The following NPHP1 variants were observed in gnomAD, a reference collection of about 807,000 sequenced individuals.
The protein encoded by NPHP1 is nephrocystin 1.
Under a neutral mutation model 90.4 loss-of-function variants are expected in NPHP1, and 70 were observed. The ratio of observed to expected loss-of-function variants is 0.77; its 90% confidence interval spans 0.64 to 0.95. The LOEUF (loss-of-function observed/expected upper bound fraction) is 0.95. Ranked by LOEUF, NPHP1 falls within the 40% of genes least tolerant of loss-of-function variation. The probability of loss-of-function intolerance (pLI) is 0.00; values close to 1 mark genes in which losing one functional copy is unlikely to be tolerated. For synonymous variants in NPHP1, 256 were observed against 271.7 expected (o/e 0.94, Z 0.57); for missense variants, 764 against 795.9 (o/e 0.96, Z 0.48).
At chr2:110,197,882 T>C (rs1050196403) in intron 2 of NPHP1, among the ~76,000 whole-genome samples, 1 of 152,170 alleles carries the variant, frequency 6.6e-6, no homozygotes, top group African/African-American at 2.4e-5. Context: ...TATTTTAATA[T>C]AATGTACCAA....
intron 6 of NPHP1, among the ~76,000 whole-genome samples, chr2:110,166,723 T>C (rs145371795): frequency 2.0e-5 from 3 of 152,282 alleles, no homozygotes; most frequent in African/African-American, 4.8e-5. Context: ...AGCTACTTTT[T>C]GGGGGGATCT....
At chr2:110,151,673 A>AAT (rs1033350104) in intron 11 of NPHP1, among the ~76,000 whole-genome samples, 2 of 152,068 alleles carry the variant, frequency 1.3e-5, no homozygotes, top group Non-Finnish European at 2.9e-5. Flanking sequence ...TTCGATTGCT[A>AAT]ATATATATAT....
intron 2 of NPHP1, among the ~76,000 whole-genome samples, chr2:110,195,768 A>G (rs1310065763): frequency 6.6e-6 from 1 of 152,208 alleles, no homozygotes; most frequent in African/African-American, 2.4e-5. Context: ...ACAAGGCTAC[A>G]GTAACCAAAA....
chr2:110,147,878 C>G, intron 13 of NPHP1, 38 bp downstream of exon 13: 1 of 1,185,458 alleles, frequency 8.4e-7, no homozygotes, highest in Non-Finnish European at 1.3e-6. Context: ...TCCCTTTTAA[C>G]TGATACATTA....
In NPHP1 at chr2:110,178,404, A is replaced by G; in HGVS notation, c.329+19T>C. ...TATATCTTTAAAAAAGAAAAAAGAA[A>G]GGTAGAAAGGAAGCATACTCAGTTA... On this transcript the variant is annotated intron_variant, in intron 4 of 19. Coordinates refer to ENST00000445609, the MANE Select transcript of NPHP1 (RefSeq NM_001128178.3). 6.2e-7 allele frequency: 1 copy of G among 1,612,704 alleles called. No homozygotes were observed.
chr2:110,183,021 G>C lies in NPHP1; in HGVS notation c.144-3337C>G, dbSNP rs1021172266. On this transcript the variant is annotated intron_variant, in intron 2 of 19. Transcript: ENST00000445609. ...TAGCTTCTGACAAAACAGACTTTAA[G>C]CCAATAAAGATAAAAAAAAGACAAA... Among the ~76,000 whole-genome samples, 6 of 151,898 alleles carry C rather than the reference G, an allele frequency of 4.0e-5. No individual in the cohort carries two copies. The East Asian group carries it at 7.7e-4, about 20-fold the overall frequency.
intron 2 of NPHP1, among the ~76,000 whole-genome samples, chr2:110,188,886 A>G (rs1401306943): frequency 2.6e-5 from 4 of 152,154 alleles, no homozygotes; most frequent in Admixed American, 6.5e-5. Context: ...GACAAAAACA[A>G]GCAATGCGGA....
At chr2:110,151,897 A>T (rs1221658272) in intron 11 of NPHP1, among the ~76,000 whole-genome samples, 6 of 152,100 alleles carry the variant, frequency 3.9e-5, no homozygotes, top group Non-Finnish European at 7.4e-5. Context: ...TATCTTTTCA[A>T]TTTGGAGAAT....
rs774386187 is a variant in NPHP1, at chr2:110,204,925, C to T, written c.44G>A (p.Arg15His). ...CTGTTGCTTCAGCTCCTGATTGCGG[C>T]GCCGCAGGGCCTGGAGAGGATCTCG... ...RQRDPLQALRRRNQELKQQVD... is the reference protein window; with the variant it reads ...RQRDPLQALRHRNQELKQQVD... The change falls in exon 1 of 20, where the codon CGC becomes CAC. Residue 15 changes from arginine to histidine, a missense_variant. Coordinates refer to ENST00000445609, the MANE Select transcript of NPHP1 (RefSeq NM_001128178.3). 1.2e-6 allele frequency: 2 copies of T among 1,613,884 alleles called. No homozygotes were observed. The highest frequency in any genetic ancestry group is 1.7e-6 in the Non-Finnish European group (2 of 1,179,944).
chr2:110,204,159 CAT>C (rs1347275355), intron 1 of NPHP1, among the ~76,000 whole-genome samples: 1 of 152,184 alleles, frequency 6.6e-6, no homozygotes, highest in African/African-American at 2.4e-5. Context: ...GGTGCATACA[CAT>C]ATGTTACACC....
At chr2:110,180,538 C>T (rs940819649) in intron 2 of NPHP1, among the ~76,000 whole-genome samples, 2 of 139,850 alleles carry the variant, frequency 1.4e-5, no homozygotes, top group African/African-American at 5.3e-5. Flanking sequence ...TCCAAGATGG[C>T]CAATTAGAAG....
chr2:110,137,055 C>G (rs566944324), intron 16 of NPHP1, among the ~76,000 whole-genome samples: 1,957 of 152,070 alleles, frequency 0.013, 35 homozygotes, highest in African/African-American at 0.045. Context: ...ACAAACCTGA[C>G]AAAAACAAGC....
intron 4 of NPHP1, chr2:110,178,150 AT>A (rs1683637424): frequency 3.9e-6 from 2 of 508,246 alleles, no homozygotes; most frequent in Non-Finnish European, 6.9e-6. Flanking sequence ...TATCATCTTT[AT>A]TTTCTAACAT....
At chr2:110,155,080 G>A (rs1309431317) in intron 11 of NPHP1, among the ~76,000 whole-genome samples, 1 of 152,016 alleles carries the variant, frequency 6.6e-6, no homozygotes, top group African/African-American at 2.4e-5. Context: ...GTAGTCTAGG[G>A]ACTTGGTGCC....
At chr2:110,191,788 G>A (rs1236793591) in intron 2 of NPHP1, among the ~76,000 whole-genome samples, 5 of 152,116 alleles carry the variant, frequency 3.3e-5, no homozygotes, top group African/African-American at 7.2e-5. Flanking sequence ...TCATACAGCC[G>A]GGTACTCCTC....
chr2:110,184,259 G>A, intron 2 of NPHP1: 1 of 584,620 alleles, frequency 1.7e-6, no homozygotes, highest in Non-Finnish European at 3.4e-6. Flanking sequence ...ACCAAGGGCT[G>A]CTCTCAATCT....
At chr2:110,184,528 T>C (rs1346543006) in intron 2 of NPHP1, 23 of 1,241,770 alleles carry the variant, frequency 1.9e-5, no homozygotes, top group South Asian at 2.6e-5. Flanking sequence ...GGGGTGGTGC[T>C]GGATTCTGGG....
chr2:110,127,374 G>A (rs554151328), intron 18 of NPHP1: 2 of 152,148 alleles, frequency 1.3e-5, no homozygotes, highest in East Asian at 3.9e-4. Flanking sequence ...ACTATGCCAC[G>A]GAGAGAAGAA....
At chr2:110,186,638 T>TC in intron 2 of NPHP1, among the ~76,000 whole-genome samples, 1 of 152,186 alleles carries the variant, frequency 6.6e-6, no homozygotes, top group East Asian at 1.9e-4. Context: ...CCCCATGCTG[T>TC]CCTATGACCA....
Sources: gnomAD v4.1 joint callset for allele counts (sites outside exome capture counted in the v4.1 genomes callset) on GRCh38, gnomAD v4.1.1 for gene constraint, MANE v1.5 for transcripts, NCBI Gene and HGNC (gene_info 2026-07-23, HGNC 2026-07-21) for gene names.